Variants in FSD2 observed in about 807,000 individuals in gnomAD.
FSD2 encodes the protein fibronectin type III and SPRY domain-containing protein 2.
Under a neutral mutation model 80.4 loss-of-function variants are expected in FSD2, and 71 were observed. The observed-to-expected ratio is 0.88, with a 90% CI of 0.73 to 1.08. The LOEUF is 1.08. Among genes scored for constraint, FSD2 ranks in the 50% least tolerant of loss-of-function variants. The pLI is 0.00. For synonymous variants in FSD2, 361 were observed against 329.5 expected (o/e 1.10, Z -1.03); for missense variants, 923 against 913.8 (o/e 1.01, Z -0.13).
At position 82,757,024 on chromosome 15, in the gene FSD2, G is replaced by C. The variant is rs1281693638; in HGVS notation, c.*2324C>G. 1 of 152,126 alleles carries C rather than the reference G, an allele frequency of 6.6e-6. No homozygotes were observed. The highest frequency in any genetic ancestry group is 1.5e-5 in the Non-Finnish European group (1 of 68,020). 9.4% of individuals were successfully genotyped at this position (152,126 alleles called of 1,614,324 possible). A position where few individuals can be genotyped will look rare whatever the true frequency, so the allele number is the denominator to read the frequency against. On this transcript the variant is annotated 3_prime_UTR_variant, in exon 13 of 13. Transcript: ENST00000334574. ...TGAGATTTTTTACAAAAATACAAAA[G>C]TTTTGCTTGGTTCTGTTCTAGATGT...
chr15:82,771,515 C>A (rs547520844), intron 7 of FSD2, among the ~76,000 whole-genome samples: 1 of 152,310 alleles, frequency 6.6e-6, no homozygotes, highest in Non-Finnish European at 1.5e-5. Flanking sequence ...GTCCCATTTC[C>A]GGGGAAAAGG....
chr15:82,777,800 T>C (rs1016571170), intron 6 of FSD2, among the ~76,000 whole-genome samples: 1 of 149,334 alleles, frequency 6.7e-6, no homozygotes, highest in African/African-American at 2.5e-5. Flanking sequence ...TGAGCCAAGA[T>C]CGTGCCACTG....
chr15:82,773,228 TC>T (rs1168860554), intron 6 of FSD2, among the ~76,000 whole-genome samples: 1 of 152,244 alleles, frequency 6.6e-6, no homozygotes, highest in African/African-American at 2.4e-5. Context: ...TTGAAATTGA[TC>T]AACCCATGTA....
intron 6 of FSD2, among the ~76,000 whole-genome samples, chr15:82,778,127 C>CATATATATATAT (rs34527251): frequency 0.032 from 2,639 of 83,706 alleles, 86 homozygotes; most frequent in African/African-American, 0.041. Flanking sequence ...ACAAAAAAAC[C>CATATATATATAT]ATATATATAT....
Position 82,786,763 on chromosome 15 carries a change from C to T in FSD2, c.628G>A (p.Glu210Lys), listed in dbSNP as rs370475422. The change falls in exon 2 of 13, where the codon GAA becomes AAA. Residue 210 changes from glutamate (E) to lysine (K), a missense_variant. Physicochemically the swap from Glu to Lys is moderately conservative, Grantham distance 56 (BLOSUM62 1). Coordinates refer to ENST00000334574, the MANE Select transcript of FSD2 (RefSeq NM_001007122.4). ...HEVIPLNEAL[E>K]SAKDEIHKNM... Reference sequence around the variant, plus strand: ...GGACACCTATTTACCTTGGCACTTTCCAGTGCTTCATTGAGTGGGATCACT... The same window carrying T: ...GGACACCTATTTACCTTGGCACTTTTCAGTGCTTCATTGAGTGGGATCACT... 2 of 1,613,322 alleles carry T rather than the reference C, an allele frequency of 1.2e-6. No homozygotes were observed. Among genetic ancestry groups the T allele is most frequent in the African/African-American group, 2.7e-5 (2 of 74,870 alleles).
intron 12 of FSD2, among the ~76,000 whole-genome samples, chr15:82,759,853 G>T (rs1473104772): frequency 2.0e-5 from 3 of 151,668 alleles, no homozygotes; most frequent in Non-Finnish European, 4.4e-5. Flanking sequence ...GAGTGCAGTG[G>T]TGCAATCTCG....
chr15:82,803,310 A>G (rs2050457050), intron 1 of FSD2, among the ~76,000 whole-genome samples: 1 of 152,218 alleles, frequency 6.6e-6, no homozygotes, highest in African/African-American at 2.4e-5. Flanking sequence ...CATAGCTTAT[A>G]CAGCATATGT....
intron 7 of FSD2, among the ~76,000 whole-genome samples, 165 bp from the exon 8 acceptor site, chr15:82,770,049 GCTTC>G (rs1445120362): frequency 6.6e-6 from 1 of 152,172 alleles, no homozygotes; most frequent in Non-Finnish European, 1.5e-5. Context: ...TCCATTCAGA[GCTTC>G]CTTCCTTCTC....
intron 5 of FSD2, among the ~76,000 whole-genome samples, chr15:82,779,933 G>T (rs957286656): frequency 1.3e-5 from 2 of 152,050 alleles, no homozygotes; most frequent in Non-Finnish European, 2.9e-5. Context: ...CAGGCATAGT[G>T]GGGGGATGTT....
Position 82,759,535 on chromosome 15 carries a change from T to C in FSD2, c.2063A>G (p.Lys688Arg). 2 of 1,608,816 alleles carry C rather than the reference T, an allele frequency of 1.2e-6. No homozygotes were observed. Among genetic ancestry groups the C allele is most frequent in the Non-Finnish European group, 1.7e-6 (2 of 1,177,064 alleles). Reference protein sequence around the residue: ...PDIRITVPPKKIGILLDYEHS... With the variant: ...PDIRITVPPKRIGILLDYEHS... ...TTCATAGTCTAATAGAATGCCAATC[T>C]TCTTTGGTGGAACTGTTATTCTTAT... Residue 688 changes from lysine (K) to arginine (R), a missense_variant, in exon 13 of 13, where the codon AAG becomes AGG. Lys to Arg is a conservative substitution (Grantham distance 26). Coordinates refer to ENST00000334574, the MANE Select transcript of FSD2 (RefSeq NM_001007122.4).
At chr15:82,770,563 C>T (rs1395092150) in intron 7 of FSD2, among the ~76,000 whole-genome samples, 2 of 152,076 alleles carry the variant, frequency 1.3e-5, no homozygotes, top group East Asian at 3.9e-4. Flanking sequence ...CCCAGCTACT[C>T]GGGAGGCCGA....
rs1596219462 is a variant in FSD2, at chr15:82,756,134, C to T, written c.*3214G>A. The T allele has an allele frequency of 2.8e-6, 1 of 351,220 alleles. No individual in the cohort carries two copies. The highest frequency in any genetic ancestry group is 6.5e-5 in the East Asian group (1 of 15,436). 21.8% of individuals were successfully genotyped at this position (351,220 alleles called of 1,614,324 possible). A position where few individuals can be genotyped will look rare whatever the true frequency, so the allele number is the denominator to read the frequency against. On this transcript the variant is annotated 3_prime_UTR_variant, in exon 13 of 13. Coordinates refer to ENST00000334574, the MANE Select transcript of FSD2 (RefSeq NM_001007122.4). ...AGTAGTACACTTATAGATGAGAAAA[C>T]TGGAGAAAGACATAGTGAACATGTG...
chr15:82,768,800 A>G, intron 9 of FSD2, 80 bp downstream of exon 9: 1 of 1,250,412 alleles, frequency 8.0e-7, no homozygotes, highest in Non-Finnish European at 1.0e-6. Flanking sequence ...CCTTCTCTTC[A>G]GACTCCGTAT....
chr15:82,797,508 A>T (rs996779446), intron 1 of FSD2, among the ~76,000 whole-genome samples: 12 of 152,154 alleles, frequency 7.9e-5, no homozygotes, highest in Non-Finnish European at 1.5e-4. Flanking sequence ...TTTCCATTTT[A>T]TTTTTCATTT....
intron 7 of FSD2, among the ~76,000 whole-genome samples, chr15:82,770,579 G>C (rs2049543179): frequency 6.6e-6 from 1 of 152,214 alleles, no homozygotes; most frequent in African/African-American, 2.4e-5. Flanking sequence ...GCCGAGGCAG[G>C]AGAATCACTT....
chr15:82,792,864 T>G (rs1237550027), intron 1 of FSD2, among the ~76,000 whole-genome samples: 1 of 152,232 alleles, frequency 6.6e-6, no homozygotes, highest in African/African-American at 2.4e-5. Flanking sequence ...TGAATTCATA[T>G]TCCTAACAAA....
At chr15:82,804,943 A>G (rs985184945) in intron 1 of FSD2, among the ~76,000 whole-genome samples, 3 of 152,210 alleles carry the variant, frequency 2.0e-5, no homozygotes, top group African/African-American at 4.8e-5. Context: ...AAAGTTGACA[A>G]TAAACTGTCA....
chr15:82,788,690 T>A (rs1456969397), intron 1 of FSD2, among the ~76,000 whole-genome samples: 26 of 151,996 alleles, frequency 1.7e-4, no homozygotes, highest in Admixed American at 1.7e-3. Flanking sequence ...AAGAGCAAGC[T>A]TGGCAACCTG....
intron 9 of FSD2, 82 bp downstream of exon 9, chr15:82,768,798 T>C: frequency 8.0e-7 from 1 of 1,247,208 alleles, no homozygotes. Context: ...AACCTTCTCT[T>C]CAGACTCCGT....
Sources: gnomAD v4.1 joint callset for allele counts (sites outside exome capture counted in the v4.1 genomes callset) on GRCh38, gnomAD v4.1.1 for gene constraint, MANE v1.5 for transcripts, NCBI Gene and HGNC (gene_info 2026-07-23, HGNC 2026-07-21) for gene names.